Variants in CISD1 observed in about 807,000 individuals in gnomAD.
CISD1 encodes the protein CDGSH iron-sulfur domain-containing protein 1.
In CISD1, 8 loss-of-function variants were observed where a neutral mutation model predicts 12.0. That is an observed-to-expected ratio of 0.67 (90% CI 0.39 to 1.20). The LOEUF (loss-of-function observed/expected upper bound fraction) is 1.20. Among genes scored for constraint, CISD1 ranks in the 50% most tolerant of loss-of-function variants. The pLI, the probability that CISD1 is intolerant of heterozygous loss-of-function variation, is 0.01. For missense variants in CISD1, 107 were observed against 132.7 expected (o/e 0.81, Z 0.95); for synonymous variants, 38 against 42.2 (o/e 0.90, Z 0.39).
At chr10:58,277,069 G>C (rs754021489) in intron 1 of CISD1, 48 bp from the exon 2 acceptor site, 2 of 1,293,742 alleles carry the variant, frequency 1.5e-6, no homozygotes. Flanking sequence ...GATATTATTG[G>C]TGTATATTTT....
intron 1 of CISD1, chr10:58,273,572 A>G (rs1477893768): frequency 6.6e-6 from 1 of 151,992 alleles, no homozygotes; most frequent in African/African-American, 2.4e-5. Flanking sequence ...TGGGTTATAT[A>G]CAAGGCTGAT....
chr10:58,275,242 A>G (rs1839299583), intron 1 of CISD1, among the ~76,000 whole-genome samples: 2 of 152,222 alleles, frequency 1.3e-5, no homozygotes, highest in South Asian at 2.1e-4. Context: ...TGATAGGTAC[A>G]TTAGCTATTC....
intron 2 of CISD1, among the ~76,000 whole-genome samples, chr10:58,279,322 G>GA: frequency 6.6e-6 from 1 of 152,088 alleles, no homozygotes; most frequent in South Asian, 2.1e-4. Context: ...TTCAAAAGTT[G>GA]AAAAAATCTG....
At chr10:58,280,471 G>A (rs1839361926) in intron 2 of CISD1, among the ~76,000 whole-genome samples, 1 of 152,172 alleles carries the variant, frequency 6.6e-6, no homozygotes, top group Non-Finnish European at 1.5e-5. Context: ...ACAGAAATAA[G>A]AGATTCGAGG....
intron 2 of CISD1, among the ~76,000 whole-genome samples, chr10:58,278,309 A>G (rs979549152): frequency 9.2e-5 from 14 of 152,138 alleles, no homozygotes; most frequent in African/African-American, 3.4e-4. Flanking sequence ...TGGTTGAGGC[A>G]GATCACTTCA....
At position 58,269,642 on chromosome 10, in the gene CISD1, A is replaced by G. The variant is rs567195034; in HGVS notation, c.31+338A>G. Among the ~76,000 whole-genome samples the G allele has an allele frequency of 1.8e-4, 28 of 152,340 alleles. No homozygotes were observed. In the South Asian group the frequency reaches 5.4e-3, roughly 29 times the overall value. ...AGTCACATAGCCTGGAAAAGAAGGA[A>G]AGGTGGGAGAAAACAACAGCAAACC... On this transcript the variant is annotated intron_variant, in intron 1 of 2. Transcript: ENST00000333926.
At chr10:58,285,584 C>G (rs1029147796) in intron 2 of CISD1, among the ~76,000 whole-genome samples, 7 of 152,038 alleles carry the variant, frequency 4.6e-5, no homozygotes, top group Non-Finnish European at 8.8e-5. Context: ...TGTCATTTGA[C>G]ATGAAATAGA....
At chr10:58,278,196 G>A (rs1839336595) in intron 2 of CISD1, among the ~76,000 whole-genome samples, 1 of 152,166 alleles carries the variant, frequency 6.6e-6, no homozygotes, top group Admixed American at 6.5e-5. Flanking sequence ...CTGGTGTGTT[G>A]TGAGAAATAT....
In CISD1 at chr10:58,277,243, AC is replaced by A; in HGVS notation, c.162del (p.Lys55ArgfsTer2). ...AMINLHIQKD[N>X]PKIVHAFDME... ...ATAAACCTTCACATCCAGAAAGACA[AC>A]CCCAAGATAGTACATGCTTTTGACA... On this transcript the variant is annotated frameshift_variant, in exon 2 of 3. Transcript: ENST00000333926. LOFTEE classifies it high-confidence loss of function. 6.2e-7 allele frequency: 1 copy of A among 1,613,018 alleles called. No individual in the cohort carries two copies. The highest frequency in any genetic ancestry group is 2.2e-5 in the East Asian group (1 of 44,816).
At chr10:58,278,560 T>C (rs1416689158) in intron 2 of CISD1, among the ~76,000 whole-genome samples, 2 of 151,520 alleles carry the variant, frequency 1.3e-5, no homozygotes, top group Non-Finnish European at 2.9e-5. Context: ...TAAAATACAA[T>C]GAAAAAAATA....
chr10:58,285,354 G>A (rs1298876360), intron 2 of CISD1, among the ~76,000 whole-genome samples: 1 of 152,142 alleles, frequency 6.6e-6, no homozygotes, highest in East Asian at 1.9e-4. Flanking sequence ...CAAAGTTTAA[G>A]ATTAAATACC....
At chr10:58,285,843 A>G (rs564598358) in intron 2 of CISD1, among the ~76,000 whole-genome samples, 4 of 152,310 alleles carry the variant, frequency 2.6e-5, no homozygotes, top group Non-Finnish European at 5.9e-5. Context: ...GATGAAAACT[A>G]CAAAAGAAAT....
Position 58,287,610 on chromosome 10 carries a change from A to G in CISD1, c.287A>G (p.Asp96Gly). 2 of 1,611,378 alleles carry G rather than the reference A, an allele frequency of 1.2e-6. No homozygotes were observed. Among genetic ancestry groups the G allele is most frequent in the Non-Finnish European group, 1.7e-6 (2 of 1,178,344 alleles). ...AHTKHNEETG[D>G]NVGPLIIKKK... Reference sequence around the variant, plus strand: ...ACAAAACATAACGAAGAGACTGGAGACAATGTGGGCCCTCTGATCATCAAG... The same window carrying G: ...ACAAAACATAACGAAGAGACTGGAGGCAATGTGGGCCCTCTGATCATCAAG... Residue 96 changes from aspartate to glycine, a missense_variant, in exon 3 of 3, where the codon GAC becomes GGC. Transcript: ENST00000333926.
intron 1 of CISD1, among the ~76,000 whole-genome samples, chr10:58,269,696 G>A (rs1414781881): frequency 2.0e-5 from 3 of 152,218 alleles, no homozygotes; most frequent in Admixed American, 2.0e-4. Context: ...TTCAGTCAGC[G>A]TCGGGCCACA....
chr10:58,271,890 A>G (rs1185813959), intron 1 of CISD1, among the ~76,000 whole-genome samples: 2 of 152,138 alleles, frequency 1.3e-5, no homozygotes, highest in Non-Finnish European at 2.9e-5. Flanking sequence ...GGTCGATAAG[A>G]CCATTAGTTT....
At position 58,287,629 on chromosome 10, in the gene CISD1, C is replaced by A; in HGVS notation, c.306C>A (p.Ile102=). The change falls in exon 3 of 3, where the codon ATC becomes ATA. Residue 102 remains isoleucine (I), a synonymous_variant. Transcript: ENST00000333926. ...CTGGAGACAATGTGGGCCCTCTGAT[C>A]ATCAAGAAAAAAGAAACTTAAATGG... The part of the protein sequence containing the change: ...EETGDNVGPL[I]IKKKET The A allele has an allele frequency of 6.2e-7, 1 of 1,608,840 alleles. No individual in the cohort carries two copies. Among genetic ancestry groups the A allele is most frequent in the Non-Finnish European group, 8.5e-7 (1 of 1,176,898 alleles).
chr10:58,270,121 G>C (rs1390790146), intron 1 of CISD1, among the ~76,000 whole-genome samples: 1 of 152,132 alleles, frequency 6.6e-6, no homozygotes, highest in Non-Finnish European at 1.5e-5. Context: ...ACTTCGCAAG[G>C]TTTTGAGTAA....
At chr10:58,271,043 ATTTT>A (rs775206917) in intron 1 of CISD1, among the ~76,000 whole-genome samples, 1 of 128,762 alleles carries the variant, frequency 7.8e-6, no homozygotes, top group East Asian at 2.3e-4. Context: ...TGCCATGACT[ATTTT>A]TTTTTTTTTT....
intron 1 of CISD1, among the ~76,000 whole-genome samples, chr10:58,271,035 CCAT>C (rs1301833919): frequency 3.8e-4 from 45 of 117,172 alleles, no homozygotes; most frequent in African/African-American, 1.8e-3. Context: ...CCACACGTTG[CCAT>C]GACTATTTTT....
Sources: allele counts gnomAD v4.1 joint callset (sites outside exome capture counted in the v4.1 genomes callset), GRCh38; gene constraint gnomAD v4.1.1; transcripts MANE v1.5; gene names NCBI Gene and HGNC (gene_info 2026-07-23, HGNC 2026-07-21).